ZNF366: variants seen among roughly 807,000 people sequenced by gnomAD.
ZNF366 encodes zinc finger protein 366.
Under a neutral mutation model 47.2 loss-of-function variants are expected in ZNF366, and 20 were observed. That is an observed-to-expected ratio of 0.42 (90% CI 0.30 to 0.62). ZNF366 has a LOEUF of 0.62. ZNF366 is among the 20% of genes least tolerant of loss of function. The probability of loss-of-function intolerance (pLI) is 0.16; values close to 1 mark genes in which losing one functional copy is unlikely to be tolerated. For missense variants in ZNF366, 987 were observed against 976.3 expected, an observed-to-expected ratio of 1.01 and a Z score of -0.15; for synonymous variants, 421 against 395.1, an observed-to-expected ratio of 1.07 and a Z score of -0.78.
At chr5:72,447,101 T>C (rs1742974889) in intron 4 of ZNF366, 142 bp downstream of exon 4, 4 of 881,420 alleles carry the variant, frequency 4.5e-6, no homozygotes, top group Non-Finnish European at 6.7e-6. Context: ...AGATTTTTTC[T>C]AGTAACATTA....
intron 1 of ZNF366, among the ~76,000 whole-genome samples, chr5:72,482,629 G>T (rs1743811023): frequency 6.6e-6 from 1 of 152,162 alleles, no homozygotes; most frequent in Non-Finnish European, 1.5e-5. Flanking sequence ...AAACAGCACT[G>T]TGCAGGTGTT....
intron 4 of ZNF366, among the ~76,000 whole-genome samples, chr5:72,445,826 G>T (rs1433764261): frequency 6.6e-6 from 1 of 152,094 alleles, no homozygotes; most frequent in Non-Finnish European, 1.5e-5. Flanking sequence ...ATAATTCAGG[G>T]GAAAAACTTT....
chr5:72,498,139 A>G (rs1744147425), intron 1 of ZNF366, among the ~76,000 whole-genome samples: 1 of 152,150 alleles, frequency 6.6e-6, no homozygotes, highest in Non-Finnish European at 1.5e-5. Flanking sequence ...CGAAAAAAAA[A>G]TATCTCTACA....
At chr5:72,483,908 A>G (rs1395013252) in intron 1 of ZNF366, among the ~76,000 whole-genome samples, 1 of 152,172 alleles carries the variant, frequency 6.6e-6, no homozygotes, top group Non-Finnish European at 1.5e-5. Flanking sequence ...AAAATCTAAG[A>G]AAGTCTGAAG....
chr5:72,463,660 C>A (rs1580239762), intron 1 of ZNF366, among the ~76,000 whole-genome samples: 2 of 152,138 alleles, frequency 1.3e-5, no homozygotes, highest in African/African-American at 4.8e-5. Context: ...CTTTATGAGA[C>A]CCGGAGGGGT....
At chr5:72,491,841 C>T (rs1744016891) in intron 1 of ZNF366, among the ~76,000 whole-genome samples, 1 of 152,202 alleles carries the variant, frequency 6.6e-6, no homozygotes, top group African/African-American at 2.4e-5. Flanking sequence ...CTCAAGGTCC[C>T]TTCACCTGGG....
chr5:72,447,732 C>T (rs949881890), intron 3 of ZNF366, among the ~76,000 whole-genome samples: 3 of 152,108 alleles, frequency 2.0e-5, no homozygotes, highest in Admixed American at 6.6e-5. Flanking sequence ...ACAAGTGTTC[C>T]TCCTTTAATA....
At chr5:72,466,233 TACCATGTGGCGATAA>T in intron 1 of ZNF366, among the ~76,000 whole-genome samples, 1 of 152,232 alleles carries the variant, frequency 6.6e-6, no homozygotes, top group East Asian at 1.9e-4. Context: ...AGTTTATTCA[TACCATGTGGCGATAA>T]ACCATGTAGT....
At chr5:72,499,857 A>G (rs1236375721) in intron 1 of ZNF366, among the ~76,000 whole-genome samples, 2 of 152,124 alleles carry the variant, frequency 1.3e-5, no homozygotes, top group Non-Finnish European at 2.9e-5. Context: ...GAGAGATGCC[A>G]TGGGCTCCAT....
intron 1 of ZNF366, among the ~76,000 whole-genome samples, chr5:72,462,687 A>T (rs1158582076): frequency 6.6e-6 from 1 of 151,606 alleles, no homozygotes; most frequent in Non-Finnish European, 1.5e-5. Flanking sequence ...AGTAGCTGAG[A>T]TTACAGGTGT....
chr5:72,461,066 T>A lies in ZNF366; in HGVS notation c.431A>T (p.His144Leu). ...VGFQFYRSLE[H>L]FGGKPVKQEP... ...CTGCTTGACGGGCTTGCCCCCAAAG[T>A]GTTCCAGGCTGCGGTAGAATTGGAA... The change falls in exon 2 of 5, where the codon CAC becomes CTC. Residue 144 changes from histidine to leucine, a missense_variant. This residue lies in a region of ZNF366 where 591 missense variants were observed against 560.9 expected (regional missense o/e 1.05). Coordinates refer to ENST00000318442, the MANE Select transcript of ZNF366 (RefSeq NM_152625.3). 6.2e-7 allele frequency: 1 copy of A among 1,614,018 alleles called. No homozygotes were observed. Among genetic ancestry groups the A allele is most frequent in the South Asian group, 1.1e-5 (1 of 91,078 alleles).
chr5:72,476,920 G>A (rs1173930076), intron 1 of ZNF366, among the ~76,000 whole-genome samples: 1 of 152,028 alleles, frequency 6.6e-6, no homozygotes, highest in Non-Finnish European at 1.5e-5. Context: ...ACTTCTGAAA[G>A]GTCGGGCTGT....
At position 72,502,833 on chromosome 5, in the gene ZNF366, G is replaced by T. The variant is rs541969429; in HGVS notation, c.-15+4418C>A. On this transcript the variant is annotated intron_variant, in intron 1 of 4. Transcript: ENST00000318442. Reference sequence around the variant, plus strand: ...AATATAGAAATGGATAAATCAAAAAGTGCTATTCCACCGGGCGCAGTAGCT... The same window carrying T: ...AATATAGAAATGGATAAATCAAAAATTGCTATTCCACCGGGCGCAGTAGCT... Among the ~76,000 whole-genome samples, 20 of 152,272 alleles carry T rather than the reference G, an allele frequency of 1.3e-4. No individual in the cohort carries two copies. The East Asian group carries it at 3.9e-3, about 29-fold the overall frequency.
At position 72,460,471 on chromosome 5, in the gene ZNF366, G is replaced by C; in HGVS notation, c.1026C>G (p.Cys342Trp). The C allele has an allele frequency of 6.2e-7, 1 of 1,613,894 alleles. No individual in the cohort carries two copies. The highest frequency in any genetic ancestry group is 8.5e-7 in the Non-Finnish European group (1 of 1,179,920). Residue 342 changes from cysteine to tryptophan, a missense_variant, in exon 2 of 5, where the codon TGC (cysteine) becomes TGG (tryptophan). Around this residue, in one of 3 missense-constraint regions of ZNF366, gnomAD observed 591 missense variants for 560.9 expected, o/e 1.05. Coordinates refer to ENST00000318442, the MANE Select transcript of ZNF366 (RefSeq NM_152625.3). Reference protein sequence around the residue: ...SEVKPHNCRVCGRGFAYPSEL... With the variant: ...SEVKPHNCRVWGRGFAYPSEL... ...CGCTGGGGTAGGCAAAGCCGCGGCC[G>C]CACACGCGGCAGTTGTGCGGCTTCA... is the stretch of plus-strand genomic sequence containing the variant.
intron 1 of ZNF366, among the ~76,000 whole-genome samples, chr5:72,482,354 G>C (rs1382002686): frequency 6.6e-6 from 1 of 152,202 alleles, no homozygotes; most frequent in Non-Finnish European, 1.5e-5. Context: ...AGTTTAGTAA[G>C]AAGAAGTGTA....
rs139803946 is a variant in ZNF366 at position 72,486,646 on chromosome 5, C to A, written c.-15+20605G>T. 6.6e-3 allele frequency among the ~76,000 whole-genome samples: 1,000 copies of A among 152,346 alleles called. 8 individuals are homozygous for A. Among genetic ancestry groups the A allele is most frequent in the Admixed American group, 0.013 (204 of 15,298 alleles). ...AGGACAGGAGACCTCTGAGCAATTT[C>A]CTGGCCTTACATTTTTCCATTCCAG... On this transcript the variant is annotated intron_variant, in intron 1 of 4. Coordinates refer to ENST00000318442, the MANE Select transcript of ZNF366 (RefSeq NM_152625.3).
chr5:72,506,305 C>T (rs569223912), intron 1 of ZNF366, among the ~76,000 whole-genome samples: 1 of 152,322 alleles, frequency 6.6e-6, no homozygotes, highest in East Asian at 1.9e-4. Context: ...CTATTTTTGA[C>T]AACATGATTT....
At chr5:72,504,843 TCTCACAA>T (rs1164233595) in intron 1 of ZNF366, among the ~76,000 whole-genome samples, 1 of 152,228 alleles carries the variant, frequency 6.6e-6, no homozygotes, top group Non-Finnish European at 1.5e-5. Flanking sequence ...TGTATTTAAT[TCTCACAA>T]CTCCATTATG....
chr5:72,454,042 C>T (rs1022593187), intron 3 of ZNF366, among the ~76,000 whole-genome samples: 3 of 152,192 alleles, frequency 2.0e-5, no homozygotes, highest in Non-Finnish European at 2.9e-5. Flanking sequence ...CCCATCTCTC[C>T]CATTGTAAAA....
Sources: gnomAD v4.1 joint callset for allele counts (sites outside exome capture counted in the v4.1 genomes callset) on GRCh38, gnomAD v4.1.1 for gene constraint, gnomAD v4.1.1 regional missense constraint, MANE v1.5 for transcripts, NCBI Gene and HGNC (gene_info 2026-07-23, HGNC 2026-07-21) for gene names.